Variants in MAF observed in about 807,000 individuals in gnomAD.
MAF encodes transcription factor Maf.
In MAF, 10 loss-of-function variants were observed where a neutral mutation model predicts 22.0. The ratio of observed to expected loss-of-function variants is 0.45; its 90% CI spans 0.28 to 0.77. The LOEUF (loss-of-function observed/expected upper bound fraction) is 0.77, where lower values mean the gene tolerates loss of function less well. MAF is among the 30% of genes least tolerant of loss of function. The pLI, the probability that MAF is intolerant of heterozygous loss-of-function variation, is 0.12. For missense variants in MAF, 544 were observed against 548.4 expected (o/e 0.99, Z 0.08); for synonymous variants, 337 against 255.8 (o/e 1.32, Z -3.03).
chr16:79,511,363 AAG>A, the MAF span, among the ~76,000 whole-genome samples: 1 of 152,144 alleles, frequency 6.6e-6, no homozygotes, highest in Non-Finnish European at 1.5e-5. Context: ...GAGAGAGAGA[AAG>A]AGAGAGAGGG....
chr16:79,527,070 G>A, the MAF span, among the ~76,000 whole-genome samples: 1 of 152,220 alleles, frequency 6.6e-6, no homozygotes, highest in Non-Finnish European at 1.5e-5. Flanking sequence ...CACCAGTGCT[G>A]TGGGGGAACC....
At chr16:79,268,443 G>C in the MAF span, among the ~76,000 whole-genome samples, 9 of 152,088 alleles carry the variant, frequency 5.9e-5, no homozygotes, top group Non-Finnish European at 1.2e-4. Context: ...TAGCCTGTTA[G>C]GATTACTGTG....
the MAF span, among the ~76,000 whole-genome samples, chr16:79,455,709 G>C: frequency 6.6e-6 from 1 of 152,136 alleles, no homozygotes; most frequent in African/African-American, 2.4e-5. Context: ...TGAAAATGTT[G>C]TATTTTTAGC....
At chr16:79,354,518 G>C in the MAF span, among the ~76,000 whole-genome samples, 7 of 152,186 alleles carry the variant, frequency 4.6e-5, no homozygotes, top group Admixed American at 2.6e-4. Context: ...GAATGGGTGA[G>C]ATTTGAAGGA....
chr16:79,356,032 T>C, the MAF span, among the ~76,000 whole-genome samples: 1 of 152,002 alleles, frequency 6.6e-6, no homozygotes, highest in African/African-American at 2.4e-5. Flanking sequence ...CACATACACA[T>C]TCATACACAC....
the MAF span, among the ~76,000 whole-genome samples, chr16:79,437,978 C>A: frequency 6.6e-6 from 1 of 152,154 alleles, no homozygotes; most frequent in Non-Finnish European, 1.5e-5. Flanking sequence ...AGACAGGAGT[C>A]GGCCCCAGGG....
Position 79,600,070 on chromosome 16 carries a change from ACACC to A in MAF, c.-172_-169del. The A allele has an allele frequency of 1.3e-6, 1 of 786,474 alleles. No homozygotes were observed. Among genetic ancestry groups the A allele is most frequent in the African/African-American group, 1.8e-5 (1 of 55,526 alleles). 48.7% of individuals were successfully genotyped at this position (786,474 alleles called of 1,614,324 possible). ...GAAACCTCCGAGCGCGCTCACACAC[ACACC>A]CCCCCGCCCTGCCCGCGCCCCCCGC... On this transcript the variant is annotated 5_prime_UTR_variant, in exon 1 of 2. Coordinates refer to ENST00000326043, the MANE Select transcript of MAF (RefSeq NM_005360.5).
the MAF span, among the ~76,000 whole-genome samples, chr16:79,542,015 C>A: frequency 6.6e-6 from 1 of 152,120 alleles, no homozygotes; most frequent in Non-Finnish European, 1.5e-5. Context: ...GCTCAGTTTC[C>A]TCAAGGCATG....
chr16:79,275,596 T>C, the MAF span, among the ~76,000 whole-genome samples: 1 of 152,176 alleles, frequency 6.6e-6, no homozygotes, highest in African/African-American at 2.4e-5. Context: ...CTTCAGCAGA[T>C]TGTCTTGGAC....
chr16:79,285,352 G>A, the MAF span, among the ~76,000 whole-genome samples: 3 of 152,144 alleles, frequency 2.0e-5, no homozygotes, highest in Non-Finnish European at 2.9e-5. Context: ...GTTTAGCCAC[G>A]AGTGGCCTTG....
the MAF span, among the ~76,000 whole-genome samples, chr16:79,278,253 A>T: frequency 6.6e-6 from 1 of 152,220 alleles, no homozygotes; most frequent in African/African-American, 2.4e-5. Flanking sequence ...GCAACCGTTC[A>T]AGGGGAAAGT....
At chr16:79,343,348 G>A in the MAF span, among the ~76,000 whole-genome samples, 1 of 152,042 alleles carries the variant, frequency 6.6e-6, no homozygotes, top group Admixed American at 6.6e-5. Flanking sequence ...CCTCTGACTT[G>A]AGCATCTAGA....
At chr16:79,210,526 G>A in the MAF span, among the ~76,000 whole-genome samples, 1 of 152,096 alleles carries the variant, frequency 6.6e-6, no homozygotes, top group Non-Finnish European at 1.5e-5. Flanking sequence ...GTGGGGGCGA[G>A]CTTATCTTCA....
chr16:79,516,890 G>T, the MAF span, among the ~76,000 whole-genome samples: 1 of 152,168 alleles, frequency 6.6e-6, no homozygotes, highest in African/African-American at 2.4e-5. Flanking sequence ...CTACATTGTT[G>T]TTGCTTTTTC....
the MAF span, among the ~76,000 whole-genome samples, chr16:79,530,573 A>G: frequency 6.6e-6 from 1 of 152,254 alleles, no homozygotes; most frequent in East Asian, 1.9e-4. Context: ...TTACATAAAT[A>G]GGAATGAATA....
At chr16:79,438,083 GC>G in the MAF span, among the ~76,000 whole-genome samples, 2 of 152,104 alleles carry the variant, frequency 1.3e-5, no homozygotes, top group South Asian at 4.2e-4. Context: ...GTCTGAGCAG[GC>G]TTTAGAAAAC....
chr16:79,547,745 G>A, the MAF span, among the ~76,000 whole-genome samples: 1 of 152,080 alleles, frequency 6.6e-6, no homozygotes, highest in South Asian at 2.1e-4. Context: ...CCACCATATA[G>A]CATAAATCCC....
the MAF span, chr16:79,211,653 C>A: frequency 6.2e-7 from 1 of 1,614,212 alleles, no homozygotes; most frequent in African/African-American, 1.3e-5. Context: ...TGTCCCAGAA[C>A]TGGAGGGTCT....
At chr16:79,212,196 C>G in the MAF span, 1 of 1,460,104 alleles carries the variant, frequency 6.8e-7, no homozygotes, top group Non-Finnish European at 9.0e-7. Context: ...CTGGCCTTCT[C>G]CTACTTAGGG....
Sources: allele counts gnomAD v4.1 joint callset (sites outside exome capture counted in the v4.1 genomes callset), GRCh38; gene constraint gnomAD v4.1.1; transcripts MANE v1.5; gene names NCBI Gene and HGNC (gene_info 2026-07-23, HGNC 2026-07-21).